ST18: variants seen among roughly 807,000 people sequenced by gnomAD.
ST18 encodes the protein ST18 C2H2C-type zinc finger transcription factor.
Under a neutral mutation model 110.0 loss-of-function variants are expected in ST18, and 50 were observed. The observed-to-expected ratio is 0.45, with a 90% CI of 0.36 to 0.58. The LOEUF is 0.58. Among genes scored for constraint, ST18 ranks in the 20% least tolerant of loss-of-function variants. The pLI is 0.00. For synonymous variants in ST18, 461 were observed against 452.4 expected (o/e 1.02, Z -0.24); for missense variants, 1,306 against 1,280.1 (o/e 1.02, Z -0.31).
At chr8:52,361,118 C>T (rs1029302922) in intron 2 of ST18, among the ~76,000 whole-genome samples, 9 of 152,124 alleles carry the variant, frequency 5.9e-5, no homozygotes, top group African/African-American at 2.2e-4. Context: ...AAATATTTCA[C>T]CGTAGTATAT....
At chr8:52,267,547 G>A (rs548459598) in intron 2 of ST18, among the ~76,000 whole-genome samples, 2 of 149,076 alleles carry the variant, frequency 1.3e-5, no homozygotes, top group Admixed American at 1.3e-4. Flanking sequence ...AGTGCTGACA[G>A]TGTCCTCGGA....
intron 2 of ST18, among the ~76,000 whole-genome samples, chr8:52,337,058 G>A (rs1041354648): frequency 1.3e-5 from 2 of 152,106 alleles, no homozygotes; most frequent in African/African-American, 2.4e-5. Context: ...GAATAACATC[G>A]CCTTTTTAAG....
chr8:52,129,778 C>G (rs2048477003), intron 22 of ST18, among the ~76,000 whole-genome samples: 1 of 152,124 alleles, frequency 6.6e-6, no homozygotes, highest in Non-Finnish European at 1.5e-5. Context: ...GGTGTGGTGG[C>G]CCATGCCTGT....
chr8:52,271,587 T>C (rs1219795539), intron 2 of ST18, among the ~76,000 whole-genome samples: 2 of 152,226 alleles, frequency 1.3e-5, no homozygotes, highest in African/African-American at 4.8e-5. Context: ...TTTATAACAA[T>C]GGTTTTCCTT....
intron 9 of ST18, 138 bp downstream of exon 9, chr8:52,179,984 T>C: frequency 1.0e-6 from 1 of 958,336 alleles, no homozygotes; most frequent in South Asian, 1.8e-5. Context: ...TCAAGTAAAA[T>C]AAATGTTTCA....
intron 2 of ST18, among the ~76,000 whole-genome samples, chr8:52,251,559 T>C (rs953083995): frequency 6.6e-6 from 1 of 151,936 alleles, no homozygotes; most frequent in Admixed American, 6.6e-5. Context: ...GTCATAAAAA[T>C]CAACACCGCA....
chr8:52,395,285 A>G (rs913208112), intron 2 of ST18, among the ~76,000 whole-genome samples: 3 of 152,238 alleles, frequency 2.0e-5, no homozygotes, highest in African/African-American at 7.2e-5. Context: ...GAGCATATAA[A>G]CAAAGAAGAG....
intron 2 of ST18, among the ~76,000 whole-genome samples, chr8:52,328,265 A>C (rs1416949579): frequency 1.3e-5 from 2 of 152,186 alleles, no homozygotes; most frequent in African/African-American, 4.8e-5. Flanking sequence ...TAGGACCAGA[A>C]TGAGAACTTA....
At position 52,286,991 on chromosome 8, in the gene ST18, TA is replaced by T. The variant is rs900662182; in HGVS notation, c.-464-56915del. Among the ~76,000 whole-genome samples, 11 of 151,704 alleles carry T rather than the reference TA, an allele frequency of 7.3e-5. 1 individual carries two copies. The highest frequency in any genetic ancestry group is 5.8e-4 in the East Asian group (3 of 5,178). On this transcript the variant is annotated intron_variant, in intron 2 of 25. Coordinates refer to ENST00000689386, the MANE Select transcript of ST18 (RefSeq NM_001352837.2). ...TTGAAAACCACTGGTCTAAAGAAAA[TA>T]AAAAAAACTGAGCAAAAATCTACAA...
chr8:52,394,763 TTTTG>T (rs1369311573), intron 2 of ST18, among the ~76,000 whole-genome samples: 1 of 152,214 alleles, frequency 6.6e-6, no homozygotes, highest in Non-Finnish European at 1.5e-5. Context: ...ACCCACACAG[TTTTG>T]TTTGTTTCTT....
At position 52,111,123 on chromosome 8, in the gene ST18, T is replaced by A. The variant is rs1244421364; in HGVS notation, c.*2075A>T. 2.5e-6 allele frequency: 1 copy of A among 394,816 alleles called. No individual in the cohort carries two copies. Among genetic ancestry groups the A allele is most frequent in the Admixed American group, 4.4e-5 (1 of 22,592 alleles). The allele number at this position is 394,816 out of a possible 1,614,324, so 24.5% of individuals were successfully genotyped here. A position where few individuals can be genotyped will look rare whatever the true frequency, so the allele number is the denominator to read the frequency against. On this transcript the variant is annotated 3_prime_UTR_variant, in exon 26 of 26. Transcript: ENST00000689386. The stretch of plus-strand genomic sequence containing the variant: ...AAACATACTTCACAAAACATCCTGC[T>A]CAAACTATGCAAACACAAATAAATT...
intron 9 of ST18, among the ~76,000 whole-genome samples, chr8:52,174,747 G>C (rs1010366093): frequency 6.6e-6 from 1 of 152,278 alleles, no homozygotes; most frequent in South Asian, 2.1e-4. Flanking sequence ...CTCAGAAAAA[G>C]AGGAGCCCCA....
intron 2 of ST18, among the ~76,000 whole-genome samples, chr8:52,330,008 G>A (rs563520509): frequency 3.9e-5 from 6 of 152,254 alleles, no homozygotes; most frequent in Admixed American, 1.3e-4. Flanking sequence ...ATGTTTACAT[G>A]TTTTATAAAT....
chr8:52,321,250 A>G (rs1803779847), intron 2 of ST18, among the ~76,000 whole-genome samples: 1 of 152,166 alleles, frequency 6.6e-6, no homozygotes, highest in Non-Finnish European at 1.5e-5. Flanking sequence ...AGGAGCACAG[A>G]GGAAGCTGGG....
chr8:52,372,292 T>G (rs1323936316), intron 2 of ST18, among the ~76,000 whole-genome samples: 1 of 152,214 alleles, frequency 6.6e-6, no homozygotes, highest in Non-Finnish European at 1.5e-5. Context: ...AAAATTATTT[T>G]TATTCAGCTG....
At chr8:52,409,812 A>G (rs1040137443), upstream of ST18, 2 of 152,248 alleles carry the variant, frequency 1.3e-5, no homozygotes, top group African/African-American at 4.8e-5. Context: ...TACCAACCGC[A>G]CAAAGAAAAT....
chr8:52,150,147 T>C (rs1487476818), intron 15 of ST18, among the ~76,000 whole-genome samples, 170 bp from the exon 16 acceptor site: 1 of 152,190 alleles, frequency 6.6e-6, no homozygotes, highest in African/African-American at 2.4e-5. Flanking sequence ...AGGCAGACTT[T>C]AAGAACAGCC....
rs2040972445 is a variant in ST18 at position 52,113,017 on chromosome 8, G to A, written c.*181C>T. The A allele has an allele frequency of 3.9e-6, 2 of 516,134 alleles. No individual in the cohort carries two copies. The highest frequency in any genetic ancestry group is 8.3e-5 in the Admixed American group (2 of 24,180). 32.0% of individuals were successfully genotyped at this position (516,134 alleles called of 1,614,324 possible). A position where few individuals can be genotyped will look rare whatever the true frequency, so the allele number is the denominator to read the frequency against. Reference sequence around the variant, plus strand: ...ATTGACTGCATTGCTTTTAATCCAAGAAGTCTATCATAGTTTTTCTTTCCT... The same window carrying A: ...ATTGACTGCATTGCTTTTAATCCAAAAAGTCTATCATAGTTTTTCTTTCCT... On this transcript the variant is annotated 3_prime_UTR_variant, in exon 26 of 26. Coordinates refer to ENST00000689386, the MANE Select transcript of ST18 (RefSeq NM_001352837.2).
At chr8:52,280,746 A>G (rs1450235338) in intron 2 of ST18, among the ~76,000 whole-genome samples, 10 of 152,106 alleles carry the variant, frequency 6.6e-5, no homozygotes, top group Non-Finnish European at 1.0e-4. Context: ...AAAAATTAAG[A>G]CAACTCTAAT....
Sources: allele counts gnomAD v4.1 joint callset (sites outside exome capture counted in the v4.1 genomes callset), GRCh38; gene constraint gnomAD v4.1.1; transcripts MANE v1.5; gene names NCBI Gene and HGNC (gene_info 2026-07-23, HGNC 2026-07-21).